TTLL11: variants seen among roughly 807,000 people sequenced by gnomAD.
TTLL11 encodes tubulin tyrosine ligase like 11.
In TTLL11, 42 loss-of-function variants were observed where a neutral mutation model predicts 51.7. The observed-to-expected ratio is 0.81, with a 90% CI of 0.64 to 1.05. The LOEUF is 1.05. Among genes scored for constraint, TTLL11 ranks in the 50% least tolerant of loss-of-function variants. The pLI is 0.00. For synonymous variants in TTLL11, 381 were observed against 383.5 expected, an observed-to-expected ratio of 0.99 and a Z score of 0.08; for missense variants, 799 against 940.4, an observed-to-expected ratio of 0.85 and a Z score of 1.97.
intron 6 of TTLL11, among the ~76,000 whole-genome samples, chr9:121,910,790 T>C (rs1301244161): frequency 3.3e-5 from 5 of 152,246 alleles, no homozygotes; most frequent in Admixed American, 3.3e-4. Context: ...AAATCCTTGA[T>C]TGTCTCAAGT....
At chr9:122,064,382 C>G (rs937697547) in intron 1 of TTLL11, among the ~76,000 whole-genome samples, 8 of 152,138 alleles carry the variant, frequency 5.3e-5, no homozygotes, top group African/African-American at 1.4e-4. Flanking sequence ...CAAGCAAAGA[C>G]CCTCAAAGCC....
intron 8 of TTLL11, among the ~76,000 whole-genome samples, chr9:121,835,315 G>T (rs7021764): frequency 5.3e-5 from 8 of 152,162 alleles, no homozygotes; most frequent in Admixed American, 5.2e-4. Context: ...TGAGCTCAGG[G>T]AGACCCAAGC....
chr9:122,088,839 C>G (rs1170659412), intron 1 of TTLL11, among the ~76,000 whole-genome samples: 3 of 151,912 alleles, frequency 2.0e-5, no homozygotes, highest in Non-Finnish European at 4.4e-5. Flanking sequence ...AACCCCATCT[C>G]TATTAAAAAT....
At chr9:122,076,511 C>T (rs562867930) in intron 1 of TTLL11, among the ~76,000 whole-genome samples, 2 of 152,268 alleles carry the variant, frequency 1.3e-5, no homozygotes, top group African/African-American at 4.8e-5. Flanking sequence ...AATGTCTAAC[C>T]ATGATACCTT....
chr9:121,943,618 T>C (rs901094382), intron 6 of TTLL11, among the ~76,000 whole-genome samples: 4 of 152,220 alleles, frequency 2.6e-5, no homozygotes, highest in African/African-American at 4.8e-5. Context: ...CCTGCAGGTG[T>C]CTAGAAGCCA....
intron 3 of TTLL11, among the ~76,000 whole-genome samples, chr9:122,018,436 A>C (rs1844060073): frequency 6.6e-6 from 1 of 152,162 alleles, no homozygotes; most frequent in African/African-American, 2.4e-5. Flanking sequence ...ATTCTTAAAA[A>C]ATCAGGTTTG....
At chr9:121,969,436 G>C (rs1842497339) in intron 6 of TTLL11, among the ~76,000 whole-genome samples, 1 of 152,090 alleles carries the variant, frequency 6.6e-6, no homozygotes, top group Admixed American at 6.5e-5. Context: ...CCAGAGTTCA[G>C]GGAGATGCAT....
intron 6 of TTLL11, among the ~76,000 whole-genome samples, chr9:121,915,272 G>T (rs1289719241): frequency 1.3e-5 from 2 of 152,214 alleles, no homozygotes; most frequent in Non-Finnish European, 2.9e-5. Flanking sequence ...ATGAAATCAT[G>T]CTCACAGGAC....
intron 6 of TTLL11, among the ~76,000 whole-genome samples, chr9:121,906,199 C>G (rs1839939621): frequency 6.6e-6 from 1 of 152,080 alleles, no homozygotes; most frequent in Non-Finnish European, 1.5e-5. Context: ...ATTTTTTAGA[C>G]TCTTCTCCTC....
chr9:121,858,315 G>A (rs1194864699), intron 8 of TTLL11, among the ~76,000 whole-genome samples: 2 of 152,154 alleles, frequency 1.3e-5, no homozygotes, highest in Non-Finnish European at 2.9e-5. Flanking sequence ...GTAGGAGAAG[G>A]CAACCTGGAA....
intron 8 of TTLL11, among the ~76,000 whole-genome samples, chr9:121,846,064 G>A (rs1310385333): frequency 1.2e-5 from 1 of 81,836 alleles, no homozygotes. Context: ...ACAAAAAAAA[G>A]ATAGATAAAA....
At chr9:121,838,089 C>A (rs2119137864) in intron 8 of TTLL11, among the ~76,000 whole-genome samples, 1 of 152,324 alleles carries the variant, frequency 6.6e-6, no homozygotes, top group Non-Finnish European at 1.5e-5. Flanking sequence ...TGTCTCCAGG[C>A]CAGCCTGCTT....
At position 121,988,868 on chromosome 9, in the gene TTLL11, G is replaced by GTGAA. The variant is rs537141611; in HGVS notation, c.1269+323_1269+326dup. On this transcript the variant is annotated intron_variant, in intron 4 of 8. Transcript: ENST00000321582. ...GTGGCAAAGGTTGTTGAATGAGTAA[G>GTGAA]TGAATGAATGAATGAGTAAACGAAT... 16 of 467,898 alleles carry GTGAA rather than the reference G, an allele frequency of 3.4e-5. No individual in the cohort carries two copies. The South Asian group carries it at 4.6e-4, about 13-fold the overall frequency. 29.0% of individuals were successfully genotyped at this position (467,898 alleles called of 1,614,324 possible). A position where few individuals can be genotyped will look rare whatever the true frequency, so the allele number is the denominator to read the frequency against.
chr9:121,853,575 C>G lies in TTLL11; in HGVS notation c.1840+6762G>C, dbSNP rs1026741934. On this transcript the variant is annotated intron_variant, in intron 8 of 8. Transcript: ENST00000321582. This position sits in a 1 kb window ranked among gnomAD's most constrained non-coding sequence, Gnocchi z 5.6. ...CCAGCTCTCAAGGCCCTGAAATGCG[C>G]CAATGTCCTCCCCTGGGGTTGGAAT... Among the ~76,000 whole-genome samples the G allele has an allele frequency of 1.3e-5, 2 of 152,124 alleles. No individual in the cohort carries two copies. Among genetic ancestry groups the G allele is most frequent in the African/African-American group, 4.8e-5 (2 of 41,432 alleles).
At chr9:122,089,959 T>C (rs1846216375) in intron 1 of TTLL11, among the ~76,000 whole-genome samples, 1 of 152,156 alleles carries the variant, frequency 6.6e-6, no homozygotes, top group Non-Finnish European at 1.5e-5. Context: ...CAGTGAATTA[T>C]GTTTTAAAAT....
At chr9:121,869,589 C>CAT (rs1449729311) in intron 7 of TTLL11, among the ~76,000 whole-genome samples, 17 of 152,008 alleles carry the variant, frequency 1.1e-4, no homozygotes, top group African/African-American at 3.9e-4. Context: ...TGTGTAGGAC[C>CAT]ATATATATAT....
chr9:121,880,889 G>A (rs778955359), intron 6 of TTLL11, among the ~76,000 whole-genome samples: 1 of 152,236 alleles, frequency 6.6e-6, no homozygotes, highest in African/African-American at 2.4e-5. Flanking sequence ...GCTGGGATTG[G>A]AACCTGGGTG....
At chr9:121,835,675 T>G (rs763803200) in intron 8 of TTLL11, among the ~76,000 whole-genome samples, 2 of 152,168 alleles carry the variant, frequency 1.3e-5, no homozygotes, top group Non-Finnish European at 2.9e-5. Flanking sequence ...AAGCAACTCT[T>G]CTATCATTTC....
At chr9:121,963,599 C>T (rs916215072) in intron 6 of TTLL11, 4 of 152,210 alleles carry the variant, frequency 2.6e-5, no homozygotes, top group Admixed American at 1.3e-4. Flanking sequence ...AGAGGGAGAG[C>T]ATGCCTACCT....
Sources: gnomAD v4.1 joint callset for allele counts (sites outside exome capture counted in the v4.1 genomes callset) on GRCh38, gnomAD v4.1.1 for gene constraint, Gnocchi (gnomAD v3.1) non-coding constraint, MANE v1.5 for transcripts, NCBI Gene and HGNC (gene_info 2026-07-23, HGNC 2026-07-21) for gene names.